LY75: variants seen among roughly 807,000 people sequenced by gnomAD.
The protein encoded by LY75 is lymphocyte antigen 75.
A neutral mutation model predicts 231.7 loss-of-function variants in LY75; 185 were observed. That is an observed-to-expected ratio of 0.80 (90% CI 0.71 to 0.90). LY75 has a LOEUF of 0.90. LY75 is among the 40% of genes least tolerant of loss of function. The pLI is 0.00. For missense variants in LY75, 1,947 were observed against 2,050.2 expected (o/e 0.95, Z 0.97); for synonymous variants, 668 against 689.0 (o/e 0.97, Z 0.48).
At position 159,874,900 on chromosome 2, in the gene LY75, A is replaced by T. The variant is rs1270065467; in HGVS notation, c.1974+544T>A. Among the ~76,000 whole-genome samples, 21 of 129,986 alleles carry T rather than the reference A, an allele frequency of 1.6e-4. 1 individual carries two copies. Among genetic ancestry groups the T allele is most frequent in the African/African-American group, 4.3e-4 (15 of 34,692 alleles). The allele number at this position is 129,986 out of a possible 152,430, so 85.3% of individuals were successfully genotyped here. A position where few individuals can be genotyped will look rare whatever the true frequency, so the allele number is the denominator to read the frequency against. On this transcript the variant is annotated intron_variant, in intron 12 of 34. Transcript: ENST00000263636. ...TACATATATATTTTGTAAATATATA[A>T]ACATATATATTTTATAAATATATTT... is the stretch of plus-strand genomic sequence containing the variant.
intron 21 of LY75, among the ~76,000 whole-genome samples, chr2:159,851,321 A>C: frequency 6.6e-6 from 1 of 152,158 alleles, no homozygotes; most frequent in Non-Finnish European, 1.5e-5. Context: ...GGTATGTCCC[A>C]AATTGTGTTC....
chr2:159,901,649 A>G (rs1014801477), intron 1 of LY75, among the ~76,000 whole-genome samples: 2 of 152,246 alleles, frequency 1.3e-5, no homozygotes, highest in African/African-American at 4.8e-5. Context: ...TTGAAACACT[A>G]AAACACTACA....
chr2:159,815,233 C>A (rs1683087767), intron 31 of LY75, among the ~76,000 whole-genome samples, 172 bp downstream of exon 31: 1 of 152,160 alleles, frequency 6.6e-6, no homozygotes, highest in Non-Finnish European at 1.5e-5. Flanking sequence ...CATCTCCTGA[C>A]CTCGTGATCC....
intron 12 of LY75, among the ~76,000 whole-genome samples, chr2:159,874,654 G>GTAAATATATATATTTTT (rs1685176860): frequency 1.6e-5 from 2 of 125,798 alleles, no homozygotes; most frequent in Non-Finnish European, 3.2e-5. Flanking sequence ...TATATATTTT[G>GTAAATATATATATTTTT]TAAATATATA....
At chr2:159,825,838 A>T (rs977690559) in intron 28 of LY75, among the ~76,000 whole-genome samples, 6 of 152,230 alleles carry the variant, frequency 3.9e-5, no homozygotes, top group African/African-American at 1.4e-4. Context: ...CATCACATAA[A>T]CAGAACCAAT....
At chr2:159,808,893 C>G (rs1682870044) in intron 32 of LY75, among the ~76,000 whole-genome samples, 1 of 152,166 alleles carries the variant, frequency 6.6e-6, no homozygotes, top group Non-Finnish European at 1.5e-5. Flanking sequence ...GTGTAACCTC[C>G]CAATGCCACT....
rs769958148 is a variant in LY75 at position 159,853,332 on chromosome 2, C to A, written c.2684G>T (p.Arg895Leu). The A allele has an allele frequency of 4.3e-6, 7 of 1,613,460 alleles. No homozygotes were observed. The highest frequency in any genetic ancestry group is 1.1e-5 in the South Asian group (1 of 91,006). ...TTCCTCTCCAAATGTCACAGGAAAG[C>A]GGTGCCATGGATATCGTGAGCTAAA... is the stretch of plus-strand genomic sequence containing the variant. ...HFTYSRYPWH[R>L]FPVTFGEECL... is the part of the protein sequence containing the mutation. The change falls in exon 20 of 35, where the codon CGC (arginine) becomes CTC (leucine). Residue 895 changes from arginine (R) to leucine (L), a missense_variant. Arg to Leu is a moderately radical substitution (Grantham distance 102). Transcript: ENST00000263636.
chr2:159,853,434 T>C (rs952967932), intron 19 of LY75, 82 bp from the exon 20 acceptor site: 2 of 1,531,010 alleles, frequency 1.3e-6, no homozygotes, highest in African/African-American at 2.8e-5. Flanking sequence ...TTATTTTATT[T>C]CTAAATTTAA....
At chr2:159,844,267 A>G (rs1684129108) in intron 23 of LY75, among the ~76,000 whole-genome samples, 1 of 149,916 alleles carries the variant, frequency 6.7e-6, no homozygotes, top group Non-Finnish European at 1.5e-5. Context: ...ACAAGAATGT[A>G]AAATGGTTTA....
chr2:159,805,055 A>G lies in LY75; in HGVS notation c.5158T>C (p.Phe1720Leu). 2 of 1,613,256 alleles carry G rather than the reference A, an allele frequency of 1.2e-6. No homozygotes were observed. The highest frequency in any genetic ancestry group is 1.1e-5 in the South Asian group (1 of 90,836). ...ACTTTTAGAAGAATTTAGTCATGGAAAGAAGGAAGCATAATCTCATCTTCA... is the reference window on the plus strand; with the variant it reads ...ACTTTTAGAAGAATTTAGTCATGGAGAGAAGGAAGCATAATCTCATCTTCA... The part of the protein sequence containing the change: ...VNEDEIMLPS[F>L]HD The change falls in exon 35 of 35, where the codon TTC becomes CTC. Residue 1720 changes from phenylalanine to leucine, a missense_variant. Coordinates refer to ENST00000263636, the MANE Select transcript of LY75 (RefSeq NM_002349.4).
At chr2:159,817,646 G>A (rs1683159919) in intron 29 of LY75, among the ~76,000 whole-genome samples, 1 of 152,126 alleles carries the variant, frequency 6.6e-6, no homozygotes, top group African/African-American at 2.4e-5. Flanking sequence ...AGAGGATTGG[G>A]GGAAATCAAG....
chr2:159,899,048 A>G lies in LY75; in HGVS notation c.106T>C (p.Phe36Leu), dbSNP rs1444812018. 1.9e-6 allele frequency: 3 copies of G among 1,612,360 alleles called. No homozygotes were observed. The highest frequency in any genetic ancestry group is 2.7e-5 in the African/African-American group (2 of 74,920). Reference protein sequence around the residue: ...EPSGRAANDPFTIVHGNTGKC... With the variant: ...EPSGRAANDPLTIVHGNTGKC... ...CCCGTATTTCCATGGACGATGGTGA[A>G]GGGGTCATTAGCTGAGTCAAATGGA... The change falls in exon 2 of 35, where the codon TTC becomes CTC. Residue 36 changes from phenylalanine to leucine, a missense_variant. Coordinates refer to ENST00000263636, the MANE Select transcript of LY75 (RefSeq NM_002349.4).
At position 159,850,004 on chromosome 2, in the gene LY75, A is replaced by G; in HGVS notation, c.3126T>C (p.Ser1042=). The G allele has an allele frequency of 6.2e-7, 1 of 1,613,272 alleles. No homozygotes were observed. ...CATTTTCTGGTATTCTCAGCCTCCC[A>G]CTAACCAATAATGGGTGAAAGTTAC... ...TYSNFHPLLV[S]GRLRIPENFF... is the part of the protein sequence containing the mutation. Residue 1042 remains serine (S), a synonymous_variant, in exon 23 of 35, where the codon AGT becomes AGC. Transcript: ENST00000263636.
At chr2:159,816,317 A>T (rs1474797208) in intron 30 of LY75, among the ~76,000 whole-genome samples, 1 of 152,206 alleles carries the variant, frequency 6.6e-6, no homozygotes, top group Non-Finnish European at 1.5e-5. Context: ...GGAAGAAGGT[A>T]TACGTTTATT....
chr2:159,891,344 G>C (rs1168647634), intron 3 of LY75, among the ~76,000 whole-genome samples: 1 of 152,162 alleles, frequency 6.6e-6, no homozygotes, highest in Non-Finnish European at 1.5e-5. Flanking sequence ...GGCACATCCT[G>C]CTGCTTCAGC....
At chr2:159,809,730 C>T (rs186206559) in intron 32 of LY75, among the ~76,000 whole-genome samples, 27 of 148,226 alleles carry the variant, frequency 1.8e-4, no homozygotes, top group Non-Finnish European at 2.7e-4. Context: ...CAGGCTGGAG[C>T]GCAGTGGCAC....
Position 159,816,796 on chromosome 2 carries a change from C to G in LY75, c.4380+10G>C, listed in dbSNP as rs763705556. On this transcript the variant is annotated intron_variant, in intron 30 of 34. Transcript: ENST00000263636. The stretch of plus-strand genomic sequence containing the variant: ...TTTGAAAAGTTTCTGGAAAACGAAG[C>G]AAGACTTACATCATGACTTGAGAGC... 2.1e-5 allele frequency: 33 copies of G among 1,609,098 alleles called. No homozygotes were observed. The highest frequency in any genetic ancestry group is 2.0e-4 in the Admixed American group (12 of 59,246).
At chr2:159,865,126 T>C (rs561801219) in intron 13 of LY75, among the ~76,000 whole-genome samples, 2 of 152,270 alleles carry the variant, frequency 1.3e-5, no homozygotes, top group South Asian at 2.1e-4. Flanking sequence ...GTTTTCTTCA[T>C]ATGAAAGGCA....
At chr2:159,835,369 A>G (rs1349651600) in intron 26 of LY75, 111 bp downstream of exon 26, 1 of 1,214,444 alleles carries the variant, frequency 8.2e-7, no homozygotes, top group Non-Finnish European at 1.1e-6. Context: ...AGACATGACT[A>G]TAATTTCTTC....
Sources: gnomAD v4.1 joint callset for allele counts (sites outside exome capture counted in the v4.1 genomes callset) on GRCh38, gnomAD v4.1.1 for gene constraint, MANE v1.5 for transcripts, NCBI Gene and HGNC (gene_info 2026-07-23, HGNC 2026-07-21) for gene names.